Variants in DPP6 observed in about 807,000 individuals in gnomAD.
DPP6 encodes the protein dipeptidyl peptidase like 6.
DPP6 carries 69 observed loss-of-function variants against 122.6 expected under a neutral mutation model. The ratio of observed to expected loss-of-function variants is 0.56; its 90% CI spans 0.46 to 0.69. The LOEUF (loss-of-function observed/expected upper bound fraction) is 0.69, where lower values mean the gene tolerates loss of function less well. Among genes scored for constraint, DPP6 ranks in the 30% least tolerant of loss-of-function variants. The pLI, the probability that DPP6 is intolerant of heterozygous loss-of-function variation, is 0.00. For missense variants in DPP6, 928 were observed against 1,116.9 expected (o/e 0.83, Z 2.41); for synonymous variants, 418 against 433.1 (o/e 0.97, Z 0.43).
At chr7:154,434,322 T>C (rs1484335761) in intron 1 of DPP6, among the ~76,000 whole-genome samples, 1 of 152,178 alleles carries the variant, frequency 6.6e-6, no homozygotes, top group African/African-American at 2.4e-5. Flanking sequence ...TATTTTCTCC[T>C]TTTGTGACAC....
chr7:154,127,652 G>GAGAC (rs1808025326), intron 1 of DPP6, among the ~76,000 whole-genome samples: 1 of 79,106 alleles, frequency 1.3e-5, no homozygotes, highest in African/African-American at 3.4e-5. Context: ...CACACACACA[G>GAGAC]ACACACACAC....
chr7:154,424,586 G>A lies in DPP6; in HGVS notation c.244-21628G>A, dbSNP rs538242980. On this transcript the variant is annotated intron_variant, in intron 1 of 25. Coordinates refer to ENST00000377770, the MANE Select transcript of DPP6 (RefSeq NM_130797.4). The stretch of plus-strand genomic sequence containing the variant: ...CCCTTATAATTAAAATTGAGCCCAC[G>A]TGGATAATTCAGGATAATCTCCTGT... 4.6e-5 allele frequency among the ~76,000 whole-genome samples: 7 copies of A among 152,196 alleles called. No homozygotes were observed. In the East Asian group the frequency reaches 9.6e-4, roughly 21 times the overall value.
chr7:154,430,612 C>T (rs1388010556), intron 1 of DPP6, among the ~76,000 whole-genome samples: 1 of 152,184 alleles, frequency 6.6e-6, no homozygotes, highest in African/African-American at 2.4e-5. Context: ...TCTGGGGAGA[C>T]ACAAACATTC....
intron 1 of DPP6, among the ~76,000 whole-genome samples, chr7:153,903,738 G>A (rs943407936): frequency 2.0e-4 from 31 of 152,092 alleles, no homozygotes; most frequent in African/African-American, 6.5e-4. Context: ...TTTCTCTTCT[G>A]TGCTGGAAGT....
chr7:154,458,712 G>A (rs368631073), intron 2 of DPP6, among the ~76,000 whole-genome samples: 1 of 152,150 alleles, frequency 6.6e-6, no homozygotes. Context: ...CTTACAGGCA[G>A]GCAAAAGAAT....
intron 1 of DPP6, chr7:154,305,530 A>G (rs1310309338): frequency 5.6e-6 from 9 of 1,604,572 alleles, no homozygotes; most frequent in Non-Finnish European, 7.7e-6. Context: ...CTTCGGGGAA[A>G]TCCGTGCAGC....
chr7:153,794,636 T>C, the DPP6 span, among the ~76,000 whole-genome samples: 1 of 152,106 alleles, frequency 6.6e-6, no homozygotes, highest in Non-Finnish European at 1.5e-5. Context: ...AAGGCATGAT[T>C]GGTTTTGATA....
rs3969611 is a variant in DPP6, at chr7:154,065,703, C to T, written c.243+12640C>T. On this transcript the variant is annotated intron_variant, in intron 1 of 25. Coordinates refer to ENST00000377770, the MANE Select transcript of DPP6 (RefSeq NM_130797.4). The stretch of plus-strand genomic sequence containing the variant: ...TGGTATAAATACACCTGCCTGTCAC[C>T]CAGCCCCTAGAGCTCCTTGGAGAAG... Among the ~76,000 whole-genome samples, 145 of 151,722 alleles carry T rather than the reference C, an allele frequency of 9.6e-4. 1 individual carries two copies. The highest frequency in any genetic ancestry group is 2.7e-3 in the African/African-American group (109 of 41,104).
At chr7:154,324,769 A>G (rs566760266) in intron 1 of DPP6, among the ~76,000 whole-genome samples, 4 of 151,804 alleles carry the variant, frequency 2.6e-5, no homozygotes, top group South Asian at 2.1e-4. Flanking sequence ...CGGCCCTTTC[A>G]TGGCCTGGTG....
intron 1 of DPP6, among the ~76,000 whole-genome samples, chr7:154,248,432 G>A (rs12666327): frequency 0.039 from 5,913 of 151,886 alleles, 184 homozygotes; most frequent in East Asian, 0.13. Flanking sequence ...TCAGAACAGT[G>A]ATTATTATGG....
chr7:154,798,876 A>G (rs1278876014), intron 12 of DPP6, among the ~76,000 whole-genome samples: 5 of 152,232 alleles, frequency 3.3e-5, no homozygotes, highest in Admixed American at 2.6e-4. Context: ...ATCCTGGAGA[A>G]CAACTTAGTA....
chr7:153,816,969 T>A, the DPP6 span, among the ~76,000 whole-genome samples: 2 of 151,842 alleles, frequency 1.3e-5, no homozygotes, highest in East Asian at 3.9e-4. Flanking sequence ...CAACAAGCGA[T>A]GCTAAATAAT....
intron 12 of DPP6, 93 bp downstream of exon 12, chr7:154,795,976 T>C: frequency 1.3e-6 from 2 of 1,498,908 alleles, no homozygotes; most frequent in Non-Finnish European, 1.8e-6. Flanking sequence ...GAATGGCTTC[T>C]CAGAGTAAAT....
intron 7 of DPP6, among the ~76,000 whole-genome samples, chr7:154,722,124 G>A (rs1443278412): frequency 2.0e-5 from 3 of 152,292 alleles, no homozygotes; most frequent in Admixed American, 6.5e-5. Flanking sequence ...GAGCCCAGGA[G>A]GTTGAGGCTG....
chr7:154,515,433 G>A (rs1375887879), intron 3 of DPP6, among the ~76,000 whole-genome samples: 1 of 152,204 alleles, frequency 6.6e-6, no homozygotes, highest in South Asian at 2.1e-4. Context: ...TCCTGACATT[G>A]GGCATTTACT....
At chr7:153,977,198 G>GATGTGTGTGTGT (rs1554424794) in intron 1 of DPP6, among the ~76,000 whole-genome samples, 7 of 149,730 alleles carry the variant, frequency 4.7e-5, no homozygotes, top group Admixed American at 2.7e-4. Flanking sequence ...TACCAATAGG[G>GATGTGTGTGTGT]GTGTGTGTGT....
rs1316718707 is a variant in DPP6 at position 154,241,835 on chromosome 7, A to G, written c.243+188772A>G. ...AAGAGCCATTTCTTCCATTTCTCTA[A>G]AACATAGCCCTGTGTCATCTCTGCT... On this transcript the variant is annotated intron_variant, in intron 1 of 25. Transcript: ENST00000377770. This position sits in a 1 kb window ranked among gnomAD's most constrained non-coding sequence, Gnocchi z 9.0. Among the ~76,000 whole-genome samples the G allele has an allele frequency of 6.6e-6, 1 of 152,138 alleles. No homozygotes were observed. Among genetic ancestry groups the G allele is most frequent in the African/African-American group, 2.4e-5 (1 of 41,426 alleles).
chr7:154,421,751 G>A (rs1397829448), intron 1 of DPP6, among the ~76,000 whole-genome samples: 2 of 152,202 alleles, frequency 1.3e-5, no homozygotes, highest in Non-Finnish European at 2.9e-5. Flanking sequence ...GACACCAAAA[G>A]CTTTTGCTGA....
intron 1 of DPP6, among the ~76,000 whole-genome samples, chr7:154,204,757 G>C (rs955853045): frequency 1.3e-5 from 2 of 150,916 alleles, no homozygotes; most frequent in African/African-American, 4.9e-5. Context: ...AATAACCTAG[G>C]ACTGCTCTTA....
Sources: allele counts gnomAD v4.1 joint callset (sites outside exome capture counted in the v4.1 genomes callset), GRCh38; gene constraint gnomAD v4.1.1; non-coding constraint Gnocchi (gnomAD v3.1); transcripts MANE v1.5; gene names NCBI Gene and HGNC (gene_info 2026-07-23, HGNC 2026-07-21).